The following XPNPEP1 variants were observed in gnomAD, a reference collection of about 807,000 sequenced individuals.
XPNPEP1 encodes xaa-Pro aminopeptidase 1.
A neutral mutation model predicts 92.4 loss-of-function variants in XPNPEP1; 39 were observed. That is an observed-to-expected ratio of 0.42 (90% CI 0.33 to 0.55). The LOEUF is 0.55. XPNPEP1 is among the 20% of genes least tolerant of loss of function. The pLI, the probability that XPNPEP1 is intolerant of heterozygous loss-of-function variation, is 0.08. For synonymous variants in XPNPEP1, 307 were observed against 299.4 expected, an observed-to-expected ratio of 1.03 and a Z score of -0.26; for missense variants, 654 against 856.1, an observed-to-expected ratio of 0.76 and a Z score of 2.95.
intron 2 of XPNPEP1, among the ~76,000 whole-genome samples, chr10:109,913,437 C>T (rs1274684120): frequency 2.0e-5 from 3 of 152,216 alleles, no homozygotes; most frequent in Non-Finnish European, 4.4e-5. Flanking sequence ...CATCTTAACA[C>T]GGGCACAGAT....
chr10:109,907,737 G>C lies in XPNPEP1; in HGVS notation c.200C>G (p.Thr67Ser), dbSNP rs186071811. 103 of 1,614,248 alleles carry C rather than the reference G, an allele frequency of 6.4e-5. No homozygotes were observed. In the South Asian group the frequency reaches 8.0e-4, roughly 13 times the overall value. Residue 67 changes from threonine (T) to serine (S), a missense_variant, in exon 3 of 21, where the codon ACC (threonine) becomes AGC (serine). By Grantham distance (58) the Thr-to-Ser change is moderately conservative. Coordinates refer to ENST00000502935, the MANE Select transcript of XPNPEP1 (RefSeq NM_020383.4). ...RQAMRNSEYV[T>S]EPIQAYIIPS... ...GATGATGTAGGCCTGGATCGGTTCG[G>C]TCACATACTCAGAGTTCCTCATGGC...
intron 3 of XPNPEP1, among the ~76,000 whole-genome samples, chr10:109,900,972 A>T (rs781026378): frequency 7.9e-5 from 12 of 152,112 alleles, no homozygotes; most frequent in Admixed American, 5.9e-4. Context: ...TGCTATAAAG[A>T]CACATGCACA....
At chr10:109,888,462 C>G (rs1172053110) in intron 6 of XPNPEP1, 41 bp downstream of exon 6, 6 of 1,559,442 alleles carry the variant, frequency 3.8e-6, no homozygotes, top group Non-Finnish European at 5.2e-6. Flanking sequence ...AATCTAGAAG[C>G]CACTTCCTTA....
At chr10:109,909,931 T>C (rs2133540466) in intron 2 of XPNPEP1, among the ~76,000 whole-genome samples, 1 of 152,356 alleles carries the variant, frequency 6.6e-6, no homozygotes, top group Non-Finnish European at 1.5e-5. Flanking sequence ...TTTGTTAAAA[T>C]GGATTAACTT....
intron 5 of XPNPEP1, among the ~76,000 whole-genome samples, chr10:109,890,783 G>A (rs1249170011): frequency 6.6e-6 from 1 of 152,168 alleles, no homozygotes; most frequent in Non-Finnish European, 1.5e-5. Flanking sequence ...GTGTGTGTAT[G>A]TGGAGGGTGT....
In XPNPEP1 at chr10:109,871,874, C is replaced by T. The variant is rs971940567; in HGVS notation, c.1453-13G>A. Reference sequence around the variant, plus strand: ...ATGTGAAGCATTCCTGCAAAGAAAACCCAGGGGCATGTTGCAGAATGGGGA... The same window carrying T: ...ATGTGAAGCATTCCTGCAAAGAAAATCCAGGGGCATGTTGCAGAATGGGGA... On this transcript the variant is annotated splice_polypyrimidine_tract_variant and intron_variant, in intron 16 of 20. Coordinates refer to ENST00000502935, the MANE Select transcript of XPNPEP1 (RefSeq NM_020383.4). 18 of 1,612,952 alleles carry T rather than the reference C, an allele frequency of 1.1e-5. No homozygotes were observed. Among genetic ancestry groups the T allele is most frequent in the Non-Finnish European group, 1.4e-5 (17 of 1,179,600 alleles).
chr10:109,886,385 A>C lies in XPNPEP1; in HGVS notation c.653-44T>G, dbSNP rs1216867047. ...CTTTAACTCCAGCCCTGGTCCCAGAAAGCAGTAGGAACCCAGTGAAAGAAC... is the reference window on the plus strand; with the variant it reads ...CTTTAACTCCAGCCCTGGTCCCAGACAGCAGTAGGAACCCAGTGAAAGAAC... On this transcript the variant is annotated intron_variant, in intron 7 of 20. Coordinates refer to ENST00000502935, the MANE Select transcript of XPNPEP1 (RefSeq NM_020383.4). 1.9e-6 allele frequency: 3 copies of C among 1,583,632 alleles called. No homozygotes were observed. In the South Asian group the frequency reaches 3.4e-5, roughly 18 times the overall value.
intron 1 of XPNPEP1, among the ~76,000 whole-genome samples, chr10:109,921,158 A>G (rs1850515525): frequency 6.6e-6 from 1 of 152,248 alleles, no homozygotes; most frequent in Non-Finnish European, 1.5e-5. Context: ...CACAATTATC[A>G]TTAAATATTA....
intron 3 of XPNPEP1, among the ~76,000 whole-genome samples, chr10:109,907,035 C>T (rs989127583): frequency 3.3e-5 from 5 of 152,210 alleles, no homozygotes; most frequent in Non-Finnish European, 5.9e-5. Flanking sequence ...AAACCAGGAA[C>T]AATCCTCATC....
At position 109,907,799 on chromosome 10, in the gene XPNPEP1, T is replaced by C; in HGVS notation, c.138A>G (p.Pro46=). ...GCCGAAGCAGCTCTGAAGTCACCTT[T>C]GGAGGCATTCTGCCGTCTGCAACAA... is the stretch of plus-strand genomic sequence containing the variant. ...TGVETDGRMP[P]KVTSELLRQL... Residue 46 remains proline, a synonymous_variant, in exon 3 of 21, where the codon CCA becomes CCG. Coordinates refer to ENST00000502935, the MANE Select transcript of XPNPEP1 (RefSeq NM_020383.4). 6.2e-7 allele frequency: 1 copy of C among 1,614,232 alleles called. No individual in the cohort carries two copies. Among genetic ancestry groups the C allele is most frequent in the African/African-American group, 1.3e-5 (1 of 75,072 alleles).
At chr10:109,879,341 G>A (rs1236820107) in intron 12 of XPNPEP1, among the ~76,000 whole-genome samples, 1 of 152,150 alleles carries the variant, frequency 6.6e-6, no homozygotes, top group African/African-American at 2.4e-5. Flanking sequence ...GGAGGCCGAG[G>A]TGGGTGGATC....
At chr10:109,902,552 A>G (rs1477626928) in intron 3 of XPNPEP1, among the ~76,000 whole-genome samples, 1 of 152,240 alleles carries the variant, frequency 6.6e-6, no homozygotes. Context: ...GTCAGAAAAC[A>G]TGCAAACAAA....
chr10:109,875,558 A>G lies in XPNPEP1; in HGVS notation c.1361T>C (p.Val454Ala). The part of the protein sequence containing the change: ...ETNRTLSLDE[V>A]YLIDSGAQYK... ...TTGAGCACCCGAGTCAATAAGGTACACCTCATCCAGGGACAAGGTCCTATT... is the reference window on the plus strand; with the variant it reads ...TTGAGCACCCGAGTCAATAAGGTACGCCTCATCCAGGGACAAGGTCCTATT... Residue 454 changes from valine to alanine, a missense_variant, in exon 15 of 21, where the codon GTG becomes GCG. Physicochemically the swap from Val to Ala is moderately conservative, Grantham distance 64 (BLOSUM62 0). Coordinates refer to ENST00000502935, the MANE Select transcript of XPNPEP1 (RefSeq NM_020383.4). The G allele has an allele frequency of 6.2e-7, 1 of 1,614,146 alleles. No individual in the cohort carries two copies. Among genetic ancestry groups the G allele is most frequent in the Non-Finnish European group, 8.5e-7 (1 of 1,180,010 alleles).
chr10:109,892,933 C>T, intron 4 of XPNPEP1, 79 bp downstream of exon 4: 1 of 1,448,786 alleles, frequency 6.9e-7, no homozygotes, highest in East Asian at 2.3e-5. Context: ...GCTTCTATAT[C>T]ACAGGCTGAA....
chr10:109,891,775 T>C lies in XPNPEP1; in HGVS notation c.362A>G (p.Tyr121Cys). 1.3e-6 allele frequency: 2 copies of C among 1,598,146 alleles called. No homozygotes were observed. Among genetic ancestry groups the C allele is most frequent in the South Asian group, 1.1e-5 (1 of 87,888 alleles). The change falls in exon 5 of 21, where the codon TAC becomes TGC. Residue 121 changes from tyrosine to cysteine, a missense_variant. Tyr to Cys is a radical substitution (Grantham distance 194, BLOSUM62 -2). Coordinates refer to ENST00000502935, the MANE Select transcript of XPNPEP1 (RefSeq NM_020383.4). ...EHAAMWTDGR[Y>C]FLQAAKQMDS... ...CATTTGCTTGGCAGCCTGGAGAAAG[T>C]AGCGCCCGTCAGTCCACATGGCTGC... is the stretch of plus-strand genomic sequence containing the variant.
intron 3 of XPNPEP1, among the ~76,000 whole-genome samples, chr10:109,900,701 C>G (rs1476026247): frequency 6.6e-6 from 1 of 152,158 alleles, no homozygotes; most frequent in African/African-American, 2.4e-5. Flanking sequence ...TTTCTCAATT[C>G]CCAGAGTCTC....
intron 10 of XPNPEP1, among the ~76,000 whole-genome samples, chr10:109,882,180 A>G (rs1848135482): frequency 6.6e-6 from 1 of 152,178 alleles, no homozygotes; most frequent in Non-Finnish European, 1.5e-5. Flanking sequence ...AAACAGATAT[A>G]TTTAAGCAAA....
intron 4 of XPNPEP1, 39 bp downstream of exon 4, chr10:109,892,973 C>CAA (rs1470065260): frequency 6.2e-6 from 10 of 1,604,382 alleles, no homozygotes; most frequent in Non-Finnish European, 8.5e-6. Flanking sequence ...AGGAGGCGAA[C>CAA]AAAGGTGCAG....
chr10:109,921,325 T>C (rs1414019929), intron 1 of XPNPEP1, among the ~76,000 whole-genome samples: 1 of 152,182 alleles, frequency 6.6e-6, no homozygotes, highest in African/African-American at 2.4e-5. Flanking sequence ...TCCAGCTCAG[T>C]GCTCCTACCC....
Sources: allele counts gnomAD v4.1 joint callset (sites outside exome capture counted in the v4.1 genomes callset), GRCh38; gene constraint gnomAD v4.1.1; transcripts MANE v1.5; gene names NCBI Gene and HGNC (gene_info 2026-07-23, HGNC 2026-07-21).